The following NR3C2 variants were observed in gnomAD, a reference collection of about 807,000 sequenced individuals.
The protein encoded by NR3C2 is mineralocorticoid receptor.
In NR3C2, 15 loss-of-function variants were observed where a neutral mutation model predicts 86.4. That is an observed-to-expected ratio of 0.17 (90% CI 0.12 to 0.27). The LOEUF is 0.27. Ranked by LOEUF, NR3C2 falls within the 10% of genes least tolerant of loss-of-function variation. NR3C2 has a pLI of 1.00. For missense variants in NR3C2, 960 were observed against 1,195.6 expected, an observed-to-expected ratio of 0.80 and a Z score of 2.91; for synonymous variants, 458 against 450.5, an observed-to-expected ratio of 1.02 and a Z score of -0.21.
chr4:148,404,473 G>T (rs1327288338), intron 2 of NR3C2, among the ~76,000 whole-genome samples: 1 of 151,918 alleles, frequency 6.6e-6, no homozygotes, highest in Non-Finnish European at 1.5e-5. Context: ...TTGTTTTTTG[G>T]GGGGAGTCTA....
chr4:148,369,358 G>T (rs1001251584), intron 2 of NR3C2, among the ~76,000 whole-genome samples: 1 of 152,142 alleles, frequency 6.6e-6, no homozygotes, highest in Non-Finnish European at 1.5e-5. Context: ...TTTCATATTA[G>T]CATACATAAG....
At chr4:148,090,439 G>A (rs1731009678) in intron 8 of NR3C2, among the ~76,000 whole-genome samples, 1 of 152,168 alleles carries the variant, frequency 6.6e-6, no homozygotes, top group African/African-American at 2.4e-5. Context: ...TATACAGCAG[G>A]GCCATGGAAG....
At position 148,350,490 on chromosome 4, in the gene NR3C2, T is replaced by C. The variant is rs376492643; in HGVS notation, c.1757+84614A>G. 7.2e-5 allele frequency among the ~76,000 whole-genome samples: 11 copies of C among 152,344 alleles called. No homozygotes were observed. In the East Asian group the frequency reaches 1.9e-3, roughly 27 times the overall value. On this transcript the variant is annotated intron_variant, in intron 2 of 8. Transcript: ENST00000358102. ...AATCTCAACATTTTAGAAATATCTC[T>C]AAAAGACGTTTTAAATCAGTTAACT...
chr4:148,372,220 T>C (rs1186358389), intron 2 of NR3C2, among the ~76,000 whole-genome samples: 2 of 152,192 alleles, frequency 1.3e-5, no homozygotes, highest in Non-Finnish European at 2.9e-5. Flanking sequence ...AAAATGTTCT[T>C]TTTTGGATAA....
intron 2 of NR3C2, among the ~76,000 whole-genome samples, chr4:148,399,456 A>G (rs1337422799): frequency 6.6e-6 from 1 of 151,878 alleles, no homozygotes; most frequent in Non-Finnish European, 1.5e-5. Context: ...AATTTTTCAA[A>G]ACACTACATA....
intron 2 of NR3C2, among the ~76,000 whole-genome samples, chr4:148,374,162 A>ATAGCCT (rs1746560198): frequency 6.6e-6 from 1 of 152,258 alleles, no homozygotes; most frequent in Non-Finnish European, 1.5e-5. Context: ...CCTATCATAA[A>ATAGCCT]AGAAAAATGA....
At chr4:148,123,052 T>C (rs1057297538) in intron 6 of NR3C2, among the ~76,000 whole-genome samples, 11 of 152,306 alleles carry the variant, frequency 7.2e-5, no homozygotes, top group Non-Finnish European at 1.0e-4. Flanking sequence ...ACTAAATTCT[T>C]TTCCTAGCAA....
chr4:148,121,653 G>A (rs1167275431), intron 6 of NR3C2, among the ~76,000 whole-genome samples: 2 of 152,054 alleles, frequency 1.3e-5, no homozygotes, highest in Admixed American at 6.5e-5. Context: ...TCTCAGATGT[G>A]TCTATTTCAC....
intron 2 of NR3C2, among the ~76,000 whole-genome samples, chr4:148,418,860 G>A (rs1405641146): frequency 6.6e-6 from 1 of 152,140 alleles, no homozygotes; most frequent in Non-Finnish European, 1.5e-5. Context: ...AAGGCCATAT[G>A]ATGAGCAAGT....
chr4:148,411,522 T>C (rs1372012414), intron 2 of NR3C2, among the ~76,000 whole-genome samples: 1 of 152,256 alleles, frequency 6.6e-6, no homozygotes, highest in Admixed American at 6.5e-5. Flanking sequence ...ACTTCCATTA[T>C]ATGCACACAT....
intron 3 of NR3C2, among the ~76,000 whole-genome samples, chr4:148,217,398 T>C: frequency 6.6e-6 from 1 of 152,222 alleles, no homozygotes; most frequent in East Asian, 1.9e-4. Flanking sequence ...CCCCACCTGG[T>C]ACTTACACCT....
upstream of NR3C2, chr4:148,444,288 CT>C (rs1263721551): frequency 4.2e-5 from 41 of 985,318 alleles, no homozygotes; most frequent in Non-Finnish European, 4.6e-5. Flanking sequence ...ATCTCAGCTT[CT>C]TGCAAAATCT....
At position 148,259,464 on chromosome 4, in the gene NR3C2, C is replaced by G. The variant is rs537932564; in HGVS notation, c.1897+514G>C. 1.0e-4 allele frequency among the ~76,000 whole-genome samples: 15 copies of G among 149,436 alleles called. No individual in the cohort carries two copies. In the South Asian group the frequency reaches 3.2e-3, roughly 32 times the overall value. On this transcript the variant is annotated intron_variant, in intron 3 of 8. Coordinates refer to ENST00000358102, the MANE Select transcript of NR3C2 (RefSeq NM_000901.5). ...TCATTTAATATGCAAAATTTGGAAA[C>G]TTTCAGGAGGAATAAAGGTGAGACT...
intron 8 of NR3C2, among the ~76,000 whole-genome samples, chr4:148,090,916 C>G (rs1247772116): frequency 2.0e-5 from 3 of 152,226 alleles, no homozygotes; most frequent in Non-Finnish European, 2.9e-5. Flanking sequence ...GGCATTAGAG[C>G]CAGCAGGTGG....
intron 8 of NR3C2, among the ~76,000 whole-genome samples, chr4:148,110,505 A>G (rs1161427317): frequency 6.6e-6 from 1 of 152,186 alleles, no homozygotes; most frequent in Non-Finnish European, 1.5e-5. Flanking sequence ...CTTGAAGAAA[A>G]TTCCACAACT....
intron 4 of NR3C2, among the ~76,000 whole-genome samples, chr4:148,156,416 G>GA (rs1734389299): frequency 6.6e-6 from 1 of 151,814 alleles, no homozygotes; most frequent in Admixed American, 6.6e-5. Flanking sequence ...AAATTTACAA[G>GA]AAAAAAACAA....
intron 2 of NR3C2, among the ~76,000 whole-genome samples, chr4:148,404,749 G>C (rs917640707): frequency 1.3e-5 from 2 of 152,070 alleles, no homozygotes; most frequent in African/African-American, 4.8e-5. Context: ...AATGTACTTA[G>C]GGGCATACTT....
intron 3 of NR3C2, among the ~76,000 whole-genome samples, chr4:148,232,552 G>C (rs1738521044): frequency 6.6e-6 from 1 of 152,200 alleles, no homozygotes; most frequent in Non-Finnish European, 1.5e-5. Context: ...AGTAGATTTA[G>C]CACAATTCGT....
intron 3 of NR3C2, among the ~76,000 whole-genome samples, chr4:148,201,432 A>C (rs1736715402): frequency 6.6e-6 from 1 of 152,094 alleles, no homozygotes; most frequent in African/African-American, 2.4e-5. Flanking sequence ...TGTTTTTATT[A>C]TTGCCATGTA....
Sources: gnomAD v4.1 joint callset for allele counts (sites outside exome capture counted in the v4.1 genomes callset) on GRCh38, gnomAD v4.1.1 for gene constraint, MANE v1.5 for transcripts, NCBI Gene and HGNC (gene_info 2026-07-23, HGNC 2026-07-21) for gene names.